Variants in ARHGAP32 observed in about 807,000 individuals in gnomAD.
The protein encoded by ARHGAP32 is Rho GTPase activating protein 32, also known as rho GTPase-activating protein 32.
ARHGAP32 carries 51 observed loss-of-function variants against 186.5 expected under a neutral mutation model. The observed-to-expected ratio is 0.27, with a 90% CI of 0.22 to 0.35. The LOEUF (loss-of-function observed/expected upper bound fraction) is 0.35. ARHGAP32 is among the 10% of genes least tolerant of loss of function. The probability of loss-of-function intolerance (pLI) is 1.00; values close to 1 mark genes in which losing one functional copy is unlikely to be tolerated. For missense variants in ARHGAP32, 2,186 were observed against 2,623.5 expected (o/e 0.83, Z 3.64); for synonymous variants, 950 against 964.3 (o/e 0.99, Z 0.27).
intron 12 of ARHGAP32, 134 bp downstream of exon 12, chr11:128,998,183 TGA>T: frequency 1.6e-6 from 1 of 641,264 alleles, no homozygotes; most frequent in Non-Finnish European, 2.3e-6. Flanking sequence ...ACTGAGTACC[TGA>T]GAAAGCTTAG....
At chr11:129,155,156 T>C (rs941870032) in intron 2 of ARHGAP32, among the ~76,000 whole-genome samples, 13 of 152,190 alleles carry the variant, frequency 8.5e-5, no homozygotes, top group African/African-American at 2.4e-4. Context: ...CAGAGGTGAA[T>C]AGCTGCAAAA....
chr11:129,117,498 T>C (rs1942399957), intron 5 of ARHGAP32, among the ~76,000 whole-genome samples: 2 of 152,022 alleles, frequency 1.3e-5, no homozygotes, highest in Admixed American at 1.3e-4. Context: ...TCTTTCCGCC[T>C]TCCCAGCATC....
intron 1 of ARHGAP32, among the ~76,000 whole-genome samples, chr11:129,203,924 C>T (rs1395836819): frequency 6.8e-6 from 1 of 146,922 alleles, no homozygotes; most frequent in African/African-American, 2.5e-5. Context: ...TATATAATTG[C>T]ATACATAATT....
intron 11 of ARHGAP32, among the ~76,000 whole-genome samples, chr11:129,023,405 A>C (rs1370743724): frequency 6.6e-6 from 1 of 152,220 alleles, no homozygotes; most frequent in Non-Finnish European, 1.5e-5. Flanking sequence ...AAATTATTTT[A>C]AGTGCATTAG....
At chr11:129,088,789 T>C (rs1051511165) in intron 6 of ARHGAP32, among the ~76,000 whole-genome samples, 1 of 152,146 alleles carries the variant, frequency 6.6e-6, no homozygotes, top group African/African-American at 2.4e-5. Flanking sequence ...ATGCCTATAA[T>C]CCCAGCACTC....
chr11:129,123,579 T>C lies in ARHGAP32; in HGVS notation c.360-49A>G, dbSNP rs749582205. 17 of 1,527,096 alleles carry C rather than the reference T, an allele frequency of 1.1e-5. No individual in the cohort carries two copies. The highest frequency in any genetic ancestry group is 1.4e-5 in the Non-Finnish European group (16 of 1,107,810). 94.6% of individuals were successfully genotyped at this position (1,527,096 alleles called of 1,614,324 possible). ...AAACGAGATAGTGAAACAGTAAAAA[T>C]TACTAAGTTTAAGGGAAAAATACAG... On this transcript the variant is annotated intron_variant, in intron 4 of 22. Coordinates refer to ENST00000682385, the MANE Select transcript of ARHGAP32 (RefSeq NM_001378024.1). This position sits in a 1 kb window ranked among gnomAD's most constrained non-coding sequence, Gnocchi z 4.6.
At chr11:129,110,747 TATAG>T (rs1942188339) in intron 5 of ARHGAP32, among the ~76,000 whole-genome samples, 1 of 152,208 alleles carries the variant, frequency 6.6e-6, no homozygotes, top group Admixed American at 6.5e-5. Context: ...ATTACTGCTA[TATAG>T]AAATATTACT....
intron 2 of ARHGAP32, among the ~76,000 whole-genome samples, chr11:129,161,967 T>TA (rs1297178925): frequency 1.3e-5 from 2 of 152,042 alleles, no homozygotes; most frequent in Non-Finnish European, 2.9e-5. Context: ...TATGCAGCCA[T>TA]AAAAAAAGAT....
At chr11:129,080,527 T>C (rs961213414) in intron 6 of ARHGAP32, among the ~76,000 whole-genome samples, 5 of 152,096 alleles carry the variant, frequency 3.3e-5, no homozygotes, top group East Asian at 3.9e-4. Context: ...GAAATTAAGA[T>C]GGAAATTTAA....
intron 1 of ARHGAP32, among the ~76,000 whole-genome samples, chr11:129,260,136 C>T (rs963752726): frequency 2.0e-5 from 3 of 152,114 alleles, no homozygotes; most frequent in African/African-American, 4.8e-5. Flanking sequence ...CATCTGAGAC[C>T]GGCATGAGCA....
chr11:129,075,772 C>A (rs1016111828), intron 6 of ARHGAP32, among the ~76,000 whole-genome samples: 1 of 152,080 alleles, frequency 6.6e-6, no homozygotes, highest in Non-Finnish European at 1.5e-5. Flanking sequence ...CATACCATAA[C>A]AAGTTTTTAA....
chr11:128,976,924 T>G (rs978053352), intron 19 of ARHGAP32, among the ~76,000 whole-genome samples: 1 of 152,200 alleles, frequency 6.6e-6, no homozygotes, highest in African/African-American at 2.4e-5. Context: ...GCTTCTTTCT[T>G]TTACATTTCC....
At chr11:129,059,351 C>G (rs781039892) in intron 10 of ARHGAP32, among the ~76,000 whole-genome samples, 1 of 152,170 alleles carries the variant, frequency 6.6e-6, no homozygotes, top group Non-Finnish European at 1.5e-5. Flanking sequence ...CTGAGCTATA[C>G]TTTGCAGGTA....
At chr11:129,178,526 T>C (rs1943973635) in intron 1 of ARHGAP32, among the ~76,000 whole-genome samples, 1 of 152,144 alleles carries the variant, frequency 6.6e-6, no homozygotes, top group Non-Finnish European at 1.5e-5. Flanking sequence ...GACATCACAC[T>C]ACCTGACTTC....
At chr11:129,038,453 G>A (rs781229161) in intron 11 of ARHGAP32, among the ~76,000 whole-genome samples, 23 of 151,962 alleles carry the variant, frequency 1.5e-4, no homozygotes, top group Admixed American at 1.3e-3. Context: ...AATGACTAAA[G>A]AAACATCAAA....
chr11:129,103,508 T>G (rs1163470693), intron 5 of ARHGAP32, among the ~76,000 whole-genome samples: 1 of 152,040 alleles, frequency 6.6e-6, no homozygotes, highest in Admixed American at 6.5e-5. Flanking sequence ...AGATGAGAAC[T>G]TTCCAAAATA....
chr11:129,095,892 CCACTCTT>C (rs1941714884), intron 5 of ARHGAP32, among the ~76,000 whole-genome samples: 2 of 152,232 alleles, frequency 1.3e-5, no homozygotes, highest in Admixed American at 1.3e-4. Context: ...CAGCATCTCA[CCACTCTT>C]CAGTTTTCCT....
intron 11 of ARHGAP32, among the ~76,000 whole-genome samples, chr11:129,015,619 T>A (rs1184203169): frequency 6.6e-6 from 1 of 152,190 alleles, no homozygotes; most frequent in Non-Finnish European, 1.5e-5. Context: ...TGTAACGACA[T>A]GTGTATGTAG....
chr11:128,985,265 A>C (rs1945830561), intron 15 of ARHGAP32, among the ~76,000 whole-genome samples: 1 of 151,894 alleles, frequency 6.6e-6, no homozygotes, highest in Non-Finnish European at 1.5e-5. Flanking sequence ...TGATCCACCC[A>C]CCTCGGCCTC....
Sources: gnomAD v4.1 joint callset for allele counts (sites outside exome capture counted in the v4.1 genomes callset) on GRCh38, gnomAD v4.1.1 for gene constraint, Gnocchi (gnomAD v3.1) non-coding constraint, MANE v1.5 for transcripts, NCBI Gene and HGNC (gene_info 2026-07-23, HGNC 2026-07-21) for gene names.